TPH1: variants seen among roughly 807,000 people sequenced by gnomAD.
TPH1 encodes the protein tryptophan 5-hydroxylase 1.
A neutral mutation model predicts 49.5 loss-of-function variants in TPH1; 37 were observed. The ratio of observed to expected loss-of-function variants is 0.75; its 90% confidence interval spans 0.58 to 0.98. The LOEUF (loss-of-function observed/expected upper bound fraction) is 0.98, where lower values mean the gene tolerates loss of function less well. Among genes scored for constraint, TPH1 ranks in the 50% least tolerant of loss-of-function variants. The pLI, the probability that TPH1 is intolerant of heterozygous loss-of-function variation, is 0.00. For missense variants in TPH1, 487 were observed against 523.6 expected, an observed-to-expected ratio of 0.93 and a Z score of 0.68; for synonymous variants, 160 against 182.1, an observed-to-expected ratio of 0.88 and a Z score of 0.98.
At chr11:18,022,316 C>T (rs1319031336) in intron 10 of TPH1, among the ~76,000 whole-genome samples, 1 of 152,238 alleles carries the variant, frequency 6.6e-6, no homozygotes. Context: ...TATTTCTCAA[C>T]ATCCTGACCT....
In TPH1 at chr11:18,035,995, CAGAG is replaced by C; in HGVS notation, c.261_264del (p.Ser88Ter). On this transcript the variant is annotated frameshift_variant, in exon 3 of 11. Transcript: ENST00000682019. LOFTEE classifies it high-confidence loss of function. ...AAAGTAAAATTATCTGGTAGATTCACAGAGAGAACATTGGTATGAGACTTCAGCA... is the reference window on the plus strand; with the variant it reads ...AAAGTAAAATTATCTGGTAGATTCACAGAACATTGGTATGAGACTTCAGCA... 2 of 1,612,344 alleles carry C rather than the reference CAGAG, an allele frequency of 1.2e-6. No homozygotes were observed. The highest frequency in any genetic ancestry group is 1.7e-6 in the Non-Finnish European group (2 of 1,179,906).
At chr11:18,035,654 C>T (rs1336860857) in intron 3 of TPH1, among the ~76,000 whole-genome samples, 1 of 152,056 alleles carries the variant, frequency 6.6e-6, no homozygotes, top group Non-Finnish European at 1.5e-5. Context: ...GTCCTGAACT[C>T]CTGGACTCAA....
rs58938212 is a variant in TPH1, at chr11:18,018,177, CAA to C, written c.*2812_*2813del. On this transcript the variant is annotated 3_prime_UTR_variant, in exon 11 of 11. Coordinates refer to ENST00000682019, the MANE Select transcript of TPH1 (RefSeq NM_004179.3). Reference sequence around the variant, plus strand: ...TGGGCAACAGAGTGAGACTCTGTCTCAAAAAAAAAAAAAAATTATAAACGAAG... The same window carrying C: ...TGGGCAACAGAGTGAGACTCTGTCTCAAAAAAAAAAAAATTATAAACGAAG... 0.51 allele frequency: 75,547 copies of C among 148,232 alleles called. 19,564 individuals are homozygous for C. Among genetic ancestry groups the C allele is most frequent in the Middle Eastern group, 0.68 (198 of 292 alleles). The allele number at this position is 148,232 out of a possible 1,614,324, so 9.2% of individuals were successfully genotyped here.
At chr11:18,032,171 T>C (rs1847997045) in intron 4 of TPH1, among the ~76,000 whole-genome samples, 2 of 152,088 alleles carry the variant, frequency 1.3e-5, no homozygotes, top group South Asian at 4.1e-4. Context: ...CACTCTCTTC[T>C]CTCCTCCCCT....
intron 6 of TPH1, 62 bp downstream of exon 6, chr11:18,029,103 A>AAAG: frequency 9.3e-7 from 1 of 1,070,360 alleles, no homozygotes; most frequent in Non-Finnish European, 1.4e-6. Flanking sequence ...AAAAAAAAAA[A>AAAG]TGCTGTCATG....
intron 3 of TPH1, among the ~76,000 whole-genome samples, chr11:18,033,903 C>A (rs202066154): frequency 6.6e-6 from 1 of 152,176 alleles, no homozygotes; most frequent in Non-Finnish European, 1.5e-5. Flanking sequence ...CCATTCCCTG[C>A]CCCACCCTAC....
chr11:18,042,468 A>G (rs1848106992), intron 1 of TPH1: 1 of 380,872 alleles, frequency 2.6e-6, no homozygotes, highest in Admixed American at 3.4e-5. Context: ...ATGCAAAATA[A>G]TATAACAAAT....
chr11:18,041,350 AC>A (rs1396268456), intron 1 of TPH1: 1 of 152,810 alleles, frequency 6.5e-6, no homozygotes, highest in East Asian at 1.9e-4. Context: ...CAGAAGATGA[AC>A]CAGAGATCTA....
chr11:18,031,931 T>G lies in TPH1; in HGVS notation c.402+1343A>C, dbSNP rs376156685. ...TTTTCACCTAGTGCACTTTTTACAT[T>G]TTATCTTGTGTGTGTTTATTTACAT... On this transcript the variant is annotated intron_variant, in intron 4 of 10. Transcript: ENST00000682019. 1.9e-4 allele frequency among the ~76,000 whole-genome samples: 29 copies of G among 152,302 alleles called. No homozygotes were observed. In the East Asian group the frequency reaches 4.2e-3, roughly 22 times the overall value.
At chr11:18,035,243 G>T (rs1204887535) in intron 3 of TPH1, among the ~76,000 whole-genome samples, 1 of 152,180 alleles carries the variant, frequency 6.6e-6, no homozygotes, top group Non-Finnish European at 1.5e-5. Context: ...AGTCTTATGA[G>T]ACTTACTAAG....
intron 4 of TPH1, 81 bp from the exon 5 acceptor site, chr11:18,029,660 C>T: frequency 1.8e-6 from 2 of 1,134,660 alleles, no homozygotes; most frequent in East Asian, 2.4e-5. Context: ...TTCATTATTA[C>T]TAGAGCTATT....
At chr11:18,023,853 G>A in intron 9 of TPH1, 35 bp downstream of exon 9, 1 of 1,512,566 alleles carries the variant, frequency 6.6e-7, no homozygotes, top group East Asian at 2.3e-5. Context: ...TATGTTAGGT[G>A]AATATGGTTA....
chr11:18,023,638 G>T (rs1272027089), intron 9 of TPH1, among the ~76,000 whole-genome samples: 4 of 151,964 alleles, frequency 2.6e-5, no homozygotes, highest in African/African-American at 9.7e-5. Flanking sequence ...GTAGCTTGCT[G>T]TTCCCCATAA....
At chr11:18,042,452 A>G in intron 1 of TPH1, 1 of 398,530 alleles carries the variant, frequency 2.5e-6, no homozygotes, top group South Asian at 1.8e-5. Context: ...GTAAACAATA[A>G]AAGAGATGCA....
At chr11:18,045,480 C>CCA (rs1263511278) in intron 1 of TPH1, among the ~76,000 whole-genome samples, 7 of 151,252 alleles carry the variant, frequency 4.6e-5, no homozygotes, top group African/African-American at 1.5e-4. Context: ...TTCCACCCCC[C>CCA]CCTTTTTTTT....
At position 18,040,806 on chromosome 11, in the gene TPH1, A is replaced by C; in HGVS notation, c.-26-18T>G. 1.2e-6 allele frequency: 2 copies of C among 1,600,856 alleles called. No homozygotes were observed. Among genetic ancestry groups the C allele is most frequent in the Non-Finnish European group, 1.7e-6 (2 of 1,174,122 alleles). On this transcript the variant is annotated intron_variant, in intron 1 of 10. Coordinates refer to ENST00000682019, the MANE Select transcript of TPH1 (RefSeq NM_004179.3). ...CTCTAAAACTAAAGTATGAAAACAA[A>C]GACTACGGGCTAAAAAAGAAGTTGC...
chr11:18,040,565 C>T, intron 2 of TPH1, 81 bp downstream of exon 2: 1 of 1,361,280 alleles, frequency 7.3e-7, no homozygotes. Flanking sequence ...TAGGGTCTTG[C>T]TATGTTGCCC....
chr11:18,029,419 T>C, intron 5 of TPH1, 58 bp from the exon 6 acceptor site: 1 of 1,563,770 alleles, frequency 6.4e-7, no homozygotes, highest in Admixed American at 1.7e-5. Context: ...TAGTGGCACT[T>C]ATTTCACTTT....
rs778536718 is a variant in TPH1 at position 18,036,013 on chromosome 11, G to C, written c.247C>G (p.His83Asp). ...LNDIFHLLKS[H>D]TNVLSVNLPD... ...AGATTCACAGAGAGAACATTGGTAT[G>C]AGACTTCAGCAGATGAAAAATATCA... is the stretch of plus-strand genomic sequence containing the variant. Residue 83 changes from histidine (H) to aspartate (D), a missense_variant, in exon 3 of 11, where the codon CAT becomes GAT. Transcript: ENST00000682019. 9.9e-6 allele frequency: 16 copies of C among 1,612,564 alleles called. No individual in the cohort carries two copies. The highest frequency in any genetic ancestry group is 1.4e-5 in the Non-Finnish European group (16 of 1,179,878).
Sources: allele counts gnomAD v4.1 joint callset (sites outside exome capture counted in the v4.1 genomes callset), GRCh38; gene constraint gnomAD v4.1.1; transcripts MANE v1.5; gene names NCBI Gene and HGNC (gene_info 2026-07-23, HGNC 2026-07-21).